The following EDIL3 variants were observed in gnomAD, a reference collection of about 807,000 sequenced individuals.
EDIL3 encodes EGF like and discoidin domains 3, also known as EGF-like repeat and discoidin I-like domain-containing protein 3.
Under a neutral mutation model 67.4 loss-of-function variants are expected in EDIL3, and 37 were observed. The observed-to-expected ratio is 0.55, with a 90% confidence interval of 0.42 to 0.72. EDIL3 has a LOEUF of 0.72. Among genes scored for constraint, EDIL3 ranks in the 30% least tolerant of loss-of-function variants. The pLI is 0.00. For missense variants in EDIL3, 527 were observed against 586.3 expected, an observed-to-expected ratio of 0.90 and a Z score of 1.04; for synonymous variants, 195 against 196.3, an observed-to-expected ratio of 0.99 and a Z score of 0.05.
At chr5:84,267,967 T>C (rs1270463485) in intron 1 of EDIL3, among the ~76,000 whole-genome samples, 1 of 152,046 alleles carries the variant, frequency 6.6e-6, no homozygotes, top group Non-Finnish European at 1.5e-5. Context: ...TGAAACCCCA[T>C]GTCTACTAAA....
chr5:84,107,838 A>C (rs1237912868), intron 5 of EDIL3, among the ~76,000 whole-genome samples: 2 of 150,716 alleles, frequency 1.3e-5, no homozygotes, highest in Non-Finnish European at 3.0e-5. Context: ...TTCAGTTTTG[A>C]AAATTCAGAA....
intron 6 of EDIL3, among the ~76,000 whole-genome samples, chr5:84,096,734 C>T (rs1747270484): frequency 6.6e-6 from 1 of 152,054 alleles, no homozygotes; most frequent in Admixed American, 6.6e-5. Context: ...AGATTTTGGA[C>T]AGTACACAGG....
chr5:84,121,968 G>C (rs965306806), intron 5 of EDIL3, among the ~76,000 whole-genome samples: 1 of 151,916 alleles, frequency 6.6e-6, no homozygotes, highest in African/African-American at 2.4e-5. Context: ...ATCTTATAAA[G>C]AGCCTGGAAG....
At chr5:84,369,450 G>A (rs920468170) in intron 1 of EDIL3, among the ~76,000 whole-genome samples, 1 of 151,990 alleles carries the variant, frequency 6.6e-6, no homozygotes, top group Non-Finnish European at 1.5e-5. Context: ...AATGAACCTT[G>A]AAGACATTAT....
At chr5:84,259,191 C>A (rs1242805833) in intron 1 of EDIL3, among the ~76,000 whole-genome samples, 1 of 152,026 alleles carries the variant, frequency 6.6e-6, no homozygotes, top group African/African-American at 2.4e-5. Context: ...GATCTCCTGA[C>A]CTCATGATCT....
At chr5:83,985,163 T>A (rs552835376) in intron 9 of EDIL3, among the ~76,000 whole-genome samples, 1 of 151,826 alleles carries the variant, frequency 6.6e-6, no homozygotes, top group East Asian at 2.0e-4. Flanking sequence ...TTCATGCTAA[T>A]CGTATGCTAT....
intron 9 of EDIL3, among the ~76,000 whole-genome samples, chr5:84,058,355 G>C (rs73769710): frequency 0.063 from 8,674 of 136,920 alleles, 831 homozygotes; most frequent in African/African-American, 0.23. Flanking sequence ...GGAAAACACA[G>C]ACACACAAAC....
At chr5:84,242,101 G>T (rs1744806815) in intron 2 of EDIL3, among the ~76,000 whole-genome samples, 2 of 151,626 alleles carry the variant, frequency 1.3e-5, no homozygotes, top group East Asian at 1.9e-4. Flanking sequence ...GCGTGGTGGT[G>T]GGCGCCTGTA....
chr5:84,156,360 G>A (rs1434833886), intron 4 of EDIL3, among the ~76,000 whole-genome samples: 1 of 152,142 alleles, frequency 6.6e-6, no homozygotes, highest in Non-Finnish European at 1.5e-5. Flanking sequence ...GCAGAGAATA[G>A]CTTCTACTTC....
chr5:84,036,296 G>A (rs1040824357), intron 9 of EDIL3, among the ~76,000 whole-genome samples: 11 of 152,142 alleles, frequency 7.2e-5, no homozygotes, highest in African/African-American at 2.7e-4. Context: ...ATCTAGATTA[G>A]ATCTTAATAA....
intron 6 of EDIL3, among the ~76,000 whole-genome samples, chr5:84,077,498 C>A (rs560300979): frequency 6.6e-6 from 1 of 152,046 alleles, no homozygotes; most frequent in Admixed American, 6.6e-5. Flanking sequence ...TGGCAGAAGG[C>A]GAAGGAGGGG....
chr5:84,371,318 A>AGT (rs1747840550), intron 1 of EDIL3, among the ~76,000 whole-genome samples: 1 of 82,610 alleles, frequency 1.2e-5, no homozygotes, highest in African/African-American at 4.0e-5. Flanking sequence ...ATAGATAAAA[A>AGT]GTATATATAT....
At chr5:84,263,822 TA>T (rs1371813988) in intron 1 of EDIL3, among the ~76,000 whole-genome samples, 5 of 152,168 alleles carry the variant, frequency 3.3e-5, no homozygotes, top group Non-Finnish European at 7.4e-5. Context: ...GGAGAAGGAA[TA>T]ATCAGAAGGG....
At chr5:84,280,836 C>T (rs1309381183) in intron 1 of EDIL3, among the ~76,000 whole-genome samples, 1 of 148,466 alleles carries the variant, frequency 6.7e-6, no homozygotes, top group Non-Finnish European at 1.5e-5. Context: ...CCCATCTACA[C>T]AGGAGGATGA....
intron 1 of EDIL3, among the ~76,000 whole-genome samples, chr5:84,328,014 G>C (rs1746797507): frequency 6.6e-6 from 1 of 151,968 alleles, no homozygotes; most frequent in Admixed American, 6.6e-5. Flanking sequence ...TTCTCAAAGA[G>C]AAGTTATTTC....
chr5:84,372,960 C>G (rs1407830322), intron 1 of EDIL3, among the ~76,000 whole-genome samples: 1 of 152,106 alleles, frequency 6.6e-6, no homozygotes, highest in Middle Eastern at 3.2e-3. Context: ...AGTAAATCGG[C>G]TCTCCTCCAG....
At chr5:84,230,007 A>G (rs1035066851) in intron 2 of EDIL3, 123 bp from the exon 3 acceptor site, 10 of 864,466 alleles carry the variant, frequency 1.2e-5, no homozygotes, top group Middle Eastern at 2.3e-4. Context: ...TCACATTTCC[A>G]AACACTAACT....
chr5:83,981,046 T>C (rs1041137534), intron 9 of EDIL3, among the ~76,000 whole-genome samples: 1 of 152,058 alleles, frequency 6.6e-6, no homozygotes, highest in Admixed American at 6.6e-5. Context: ...GACTTAGTAT[T>C]GTTAAATGGC....
chr5:84,155,404 T>C (rs1748472817), intron 4 of EDIL3, among the ~76,000 whole-genome samples: 1 of 152,244 alleles, frequency 6.6e-6, no homozygotes, highest in Non-Finnish European at 1.5e-5. Context: ...TTGGCATTTT[T>C]TCTATATCCA....
Sources: gnomAD v4.1 joint callset for allele counts (sites outside exome capture counted in the v4.1 genomes callset) on GRCh38, gnomAD v4.1.1 for gene constraint, MANE v1.5 for transcripts, NCBI Gene and HGNC (gene_info 2026-07-23, HGNC 2026-07-21) for gene names.